ARL15: variants seen among roughly 807,000 people sequenced by gnomAD.
ARL15 encodes ADP-ribosylation factor-like protein 15.
A neutral mutation model predicts 25.2 loss-of-function variants in ARL15; 19 were observed. The observed-to-expected ratio is 0.75, with a 90% CI of 0.53 to 1.10. The LOEUF is 1.10. Ranked by LOEUF, ARL15 falls within the 50% of genes least tolerant of loss-of-function variation. The probability of loss-of-function intolerance (pLI) is 0.00; values close to 1 mark genes in which losing one functional copy is unlikely to be tolerated. For missense variants in ARL15, 220 were observed against 246.0 expected, an observed-to-expected ratio of 0.89 and a Z score of 0.71; for synonymous variants, 94 against 86.8, an observed-to-expected ratio of 1.08 and a Z score of -0.46.
intron 1 of ARL15, among the ~76,000 whole-genome samples, chr5:54,178,914 G>A (rs957863457): frequency 5.3e-5 from 8 of 152,168 alleles, no homozygotes; most frequent in South Asian, 2.1e-4. Flanking sequence ...CTCTGTAGGA[G>A]ACATTGGGAG....
At chr5:53,931,624 C>T (rs1324452615) in intron 4 of ARL15, among the ~76,000 whole-genome samples, 1 of 152,210 alleles carries the variant, frequency 6.6e-6, no homozygotes, top group Non-Finnish European at 1.5e-5. Flanking sequence ...TCTTTGGCAC[C>T]TTTACTTTCT....
chr5:54,250,171 G>A (rs1239446050), intron 1 of ARL15, among the ~76,000 whole-genome samples: 2 of 152,002 alleles, frequency 1.3e-5, no homozygotes, highest in African/African-American at 4.8e-5. Flanking sequence ...GGGGGTCGAG[G>A]GAGGCACCAC....
At chr5:54,279,250 C>A (rs1398967568) in intron 1 of ARL15, among the ~76,000 whole-genome samples, 2 of 108,376 alleles carry the variant, frequency 1.8e-5, no homozygotes, top group African/African-American at 5.7e-5. Flanking sequence ...CTGCAATTTA[C>A]AAGAATTTTT....
At chr5:54,141,600 T>C (rs945776743) in intron 3 of ARL15, among the ~76,000 whole-genome samples, 1 of 152,198 alleles carries the variant, frequency 6.6e-6, no homozygotes, top group African/African-American at 2.4e-5. Context: ...TGACAAGTTT[T>C]GACATGTATA....
intron 4 of ARL15, among the ~76,000 whole-genome samples, chr5:53,954,637 G>T (rs931231934): frequency 6.6e-6 from 1 of 152,054 alleles, no homozygotes; most frequent in Non-Finnish European, 1.5e-5. Flanking sequence ...AACAGGTTAG[G>T]TTATTGAGAA....
At chr5:54,212,145 A>G (rs919111512) in intron 1 of ARL15, among the ~76,000 whole-genome samples, 40 of 152,176 alleles carry the variant, frequency 2.6e-4, no homozygotes, top group Non-Finnish European at 4.1e-4. Context: ...GCCACAGTCA[A>G]TACGTGGCTG....
At chr5:54,270,550 CA>C (rs1757759260) in intron 1 of ARL15, among the ~76,000 whole-genome samples, 1 of 152,232 alleles carries the variant, frequency 6.6e-6, no homozygotes, top group African/African-American at 2.4e-5. Context: ...ATTCATTCCA[CA>C]AACATGTATT....
intron 1 of ARL15, among the ~76,000 whole-genome samples, chr5:54,174,502 T>C (rs1754808299): frequency 2.0e-5 from 3 of 152,116 alleles, no homozygotes; most frequent in Admixed American, 6.6e-5. Context: ...ATATTCTTCA[T>C]GGGTTTATTC....
chr5:54,029,594 C>T (rs1420120271), intron 4 of ARL15, among the ~76,000 whole-genome samples: 1 of 152,138 alleles, frequency 6.6e-6, no homozygotes, highest in African/African-American at 2.4e-5. Flanking sequence ...CATGGTGACT[C>T]TTGCCTGTAA....
chr5:54,054,986 A>G (rs1750818477), intron 4 of ARL15, among the ~76,000 whole-genome samples: 1 of 152,172 alleles, frequency 6.6e-6, no homozygotes, highest in South Asian at 2.1e-4. Context: ...TTAAAAAGGC[A>G]TGTTGTGATA....
intron 4 of ARL15, among the ~76,000 whole-genome samples, chr5:53,981,275 AAT>A (rs1748108670): frequency 6.6e-6 from 1 of 152,222 alleles, no homozygotes. Context: ...TCAATTAAAG[AAT>A]ATGTGAGAAT....
intron 3 of ARL15, among the ~76,000 whole-genome samples, chr5:54,137,067 C>G (rs1447845935): frequency 6.9e-6 from 1 of 144,776 alleles, no homozygotes; most frequent in Non-Finnish European, 1.5e-5. Context: ...TTTTTTGCTT[C>G]AGGCTCCCCT....
chr5:53,994,749 T>G (rs1350695398), intron 4 of ARL15, among the ~76,000 whole-genome samples: 2 of 152,132 alleles, frequency 1.3e-5, no homozygotes, highest in East Asian at 3.9e-4. Context: ...TGTTTTAAAA[T>G]TTTTTTTAAA....
intron 4 of ARL15, among the ~76,000 whole-genome samples, chr5:53,969,267 A>G (rs952167710): frequency 2.0e-5 from 3 of 152,210 alleles, no homozygotes; most frequent in African/African-American, 7.2e-5. Flanking sequence ...TTTTTTAAAA[A>G]CTGAAATACT....
chr5:54,184,443 A>T (rs1274834245), intron 1 of ARL15, among the ~76,000 whole-genome samples: 1 of 1,440 alleles, frequency 6.9e-4, no homozygotes, highest in African/African-American at 6.1e-3. Context: ...TGTCTTTAAA[A>T]AAAAAAAAAA....
At chr5:54,281,031 G>C (rs1410465313) in intron 1 of ARL15, among the ~76,000 whole-genome samples, 1 of 151,290 alleles carries the variant, frequency 6.6e-6, no homozygotes, top group Non-Finnish European at 1.5e-5. Context: ...TTGTTGTATT[G>C]TGAAATATTT....
chr5:54,149,243 C>T (rs1753996826), intron 3 of ARL15, among the ~76,000 whole-genome samples: 1 of 152,138 alleles, frequency 6.6e-6, no homozygotes, highest in Non-Finnish European at 1.5e-5. Flanking sequence ...TGAGGTGGAG[C>T]AGGACAAGAT....
At position 54,074,328 on chromosome 5, in the gene ARL15, T is replaced by A. The variant is rs142933560; in HGVS notation, c.462+38874A>T. ...CTAAATGCCTAAAACCTACAATACA[T>A]CCAAAAATAGTGGCTATAATCATTT... On this transcript the variant is annotated intron_variant, in intron 4 of 4. Transcript: ENST00000504924. 2.1e-3 allele frequency among the ~76,000 whole-genome samples: 327 copies of A among 152,248 alleles called. 1 individual carries two copies. The highest frequency in any genetic ancestry group is 0.01 in the Middle Eastern group (3 of 294).
chr5:54,156,583 G>A (rs1754240419), intron 2 of ARL15, among the ~76,000 whole-genome samples: 1 of 152,192 alleles, frequency 6.6e-6, no homozygotes, highest in South Asian at 2.1e-4. Context: ...TAAGTATGTA[G>A]TTGGAGATGT....
Sources: gnomAD v4.1 joint callset for allele counts (sites outside exome capture counted in the v4.1 genomes callset) on GRCh38, gnomAD v4.1.1 for gene constraint, MANE v1.5 for transcripts, NCBI Gene and HGNC (gene_info 2026-07-23, HGNC 2026-07-21) for gene names.